GLIPR1L1: variants seen among roughly 807,000 people sequenced by gnomAD.
The protein encoded by GLIPR1L1 is GLIPR1-like protein 1.
GLIPR1L1 carries 26 observed loss-of-function variants against 29.9 expected under a neutral mutation model. The ratio of observed to expected loss-of-function variants is 0.87; its 90% CI spans 0.64 to 1.21. GLIPR1L1 has a LOEUF of 1.21. Among genes scored for constraint, GLIPR1L1 ranks in the 50% most tolerant of loss-of-function variants. GLIPR1L1 has a pLI of 0.00. For missense variants in GLIPR1L1, 305 were observed against 290.3 expected (o/e 1.05, Z -0.37); for synonymous variants, 77 against 97.5 (o/e 0.79, Z 1.24).
intron 4 of GLIPR1L1, 53 bp from the exon 5 acceptor site, chr12:75,369,907 A>G: frequency 1.5e-6 from 2 of 1,299,914 alleles, no homozygotes; most frequent in Non-Finnish European, 2.0e-6. Context: ...GCAAAGAAAT[A>G]TGTTTTCTTG....
intron 4 of GLIPR1L1, among the ~76,000 whole-genome samples, chr12:75,364,042 G>A (rs2043799721): frequency 6.6e-6 from 1 of 152,136 alleles, no homozygotes; most frequent in Non-Finnish European, 1.5e-5. Flanking sequence ...AAGGGGTTGT[G>A]GAGACCAAGG....
At chr12:75,337,929 T>G (rs1467474265) in intron 1 of GLIPR1L1, among the ~76,000 whole-genome samples, 5 of 152,124 alleles carry the variant, frequency 3.3e-5, no homozygotes, top group Admixed American at 6.5e-5. Context: ...TTAACCAATG[T>G]ATGAATGAGA....
intron 4 of GLIPR1L1, among the ~76,000 whole-genome samples, chr12:75,367,856 T>C (rs778799003): frequency 3.3e-5 from 5 of 152,158 alleles, no homozygotes; most frequent in Non-Finnish European, 4.4e-5. Context: ...GCTGTAACAA[T>C]AGACACACCC....
In GLIPR1L1 at chr12:75,334,711, C is replaced by T; in HGVS notation, c.-18C>T. The T allele has an allele frequency of 1.2e-6, 2 of 1,607,004 alleles. No homozygotes were observed. The highest frequency in any genetic ancestry group is 2.2e-5 in the East Asian group (1 of 44,824). On this transcript the variant is annotated 5_prime_UTR_variant, in exon 1 of 6. Transcript: ENST00000378695. Reference sequence around the variant, plus strand: ...GTCCGCGCAGTCAGGGCATCCTCCGCATCCTCCACATCCTTCCATGGCTCT... The same window carrying T: ...GTCCGCGCAGTCAGGGCATCCTCCGTATCCTCCACATCCTTCCATGGCTCT...
At chr12:75,352,285 T>C (rs1020116699) in intron 3 of GLIPR1L1, among the ~76,000 whole-genome samples, 1 of 152,058 alleles carries the variant, frequency 6.6e-6, no homozygotes, top group Non-Finnish European at 1.5e-5. Flanking sequence ...AAGACATACA[T>C]AGACTCAAAG....
At chr12:75,360,036 A>T (rs2043462509) in intron 3 of GLIPR1L1, 2 of 152,178 alleles carry the variant, frequency 1.3e-5, no homozygotes, top group Non-Finnish European at 2.9e-5. Context: ...AAACATCTTT[A>T]AAACCATCAG....
At chr12:75,354,387 T>A (rs2043014559) in intron 3 of GLIPR1L1, among the ~76,000 whole-genome samples, 1 of 151,668 alleles carries the variant, frequency 6.6e-6, no homozygotes, top group Admixed American at 6.6e-5. Context: ...TCACAATTGC[T>A]AGAAAGAGAA....
chr12:75,354,654 A>C (rs773250604), intron 3 of GLIPR1L1, among the ~76,000 whole-genome samples: 2 of 152,204 alleles, frequency 1.3e-5, no homozygotes, highest in African/African-American at 2.4e-5. Context: ...GGAACCAAAA[A>C]AGGGTTTGTG....
rs2044090669 is a variant in GLIPR1L1, at chr12:75,367,873, T to C, written c.611-2087T>C. On this transcript the variant is annotated intron_variant, in intron 4 of 5. Coordinates refer to ENST00000378695, the MANE Select transcript of GLIPR1L1 (RefSeq NM_001304964.2). ...TGTAACAATAGACACACCCTTCTAT[T>C]ATTCTTAAATTTAAAGACAATGTTT... 1.3e-5 allele frequency among the ~76,000 whole-genome samples: 2 copies of C among 152,190 alleles called. 1 individual carries two copies. The highest frequency in any genetic ancestry group is 4.1e-4 in the South Asian group (2 of 4,838).
Position 75,370,278 on chromosome 12 carries a change from C to A in GLIPR1L1, c.*102C>A. 2 of 642,302 alleles carry A rather than the reference C, an allele frequency of 3.1e-6. No individual in the cohort carries two copies. Among genetic ancestry groups the A allele is most frequent in the South Asian group, 3.9e-5 (2 of 51,036 alleles). The allele number at this position is 642,302 out of a possible 1,614,324, so 39.8% of individuals were successfully genotyped here. On this transcript the variant is annotated 3_prime_UTR_variant, in exon 6 of 6. Transcript: ENST00000378695. ...CTTTGCTTCTTTACTGAATCTTCTA[C>A]ACTCTTGCCTGATACCTAAATTTAA... is the stretch of plus-strand genomic sequence containing the variant.
chr12:75,356,311 A>T (rs988333090), intron 3 of GLIPR1L1, among the ~76,000 whole-genome samples: 11 of 152,196 alleles, frequency 7.2e-5, no homozygotes, highest in African/African-American at 2.4e-4. Flanking sequence ...ATGTTTATAG[A>T]TGACTGGAGA....
intron 1 of GLIPR1L1, among the ~76,000 whole-genome samples, chr12:75,343,051 A>G (rs2042222961): frequency 6.6e-6 from 1 of 151,912 alleles, no homozygotes; most frequent in Admixed American, 6.6e-5. Flanking sequence ...ATTTTTATGT[A>G]TCCAGTCATG....
chr12:75,338,535 T>A (rs2041884870), intron 1 of GLIPR1L1, among the ~76,000 whole-genome samples: 1 of 152,112 alleles, frequency 6.6e-6, no homozygotes, highest in Non-Finnish European at 1.5e-5. Context: ...TTCCTGTAGG[T>A]TTTTTTAATA....
intron 3 of GLIPR1L1, 21 bp downstream of exon 3, chr12:75,347,743 A>G (rs774874198): frequency 9.8e-5 from 145 of 1,477,028 alleles, no homozygotes; most frequent in Non-Finnish European, 1.3e-4. Context: ...TTCTCTTAAA[A>G]ATATTTTAAT....
chr12:75,337,175 C>A (rs1184579816), intron 1 of GLIPR1L1, among the ~76,000 whole-genome samples: 2 of 151,576 alleles, frequency 1.3e-5, no homozygotes, highest in Non-Finnish European at 1.5e-5. Context: ...AAATCAAGAC[C>A]TATTCTTTCA....
chr12:75,338,860 T>A (rs1291362634), intron 1 of GLIPR1L1, among the ~76,000 whole-genome samples: 1 of 152,216 alleles, frequency 6.6e-6, no homozygotes, highest in Non-Finnish European at 1.5e-5. Context: ...TGTTTGGTTT[T>A]CTGTTCCTGC....
intron 3 of GLIPR1L1, among the ~76,000 whole-genome samples, chr12:75,356,310 G>A (rs2043152553): frequency 6.6e-6 from 1 of 152,104 alleles, no homozygotes; most frequent in African/African-American, 2.4e-5. Context: ...TATGTTTATA[G>A]ATGACTGGAG....
Position 75,370,000 on chromosome 12 carries a change from T to C in GLIPR1L1, c.637+14T>C, listed in dbSNP as rs1172351123. The C allele has an allele frequency of 1.8e-6, 2 of 1,120,478 alleles. No homozygotes were observed. The highest frequency in any genetic ancestry group is 2.0e-4 in the Middle Eastern group (1 of 4,948). 69.4% of individuals were successfully genotyped at this position (1,120,478 alleles called of 1,614,324 possible). On this transcript the variant is annotated intron_variant, in intron 5 of 5. Transcript: ENST00000378695. Reference sequence around the variant, plus strand: ...TTATACCTAACCGTATGTATCAAAATATTTTAGTATTAATTAAATTATTTC... The same window carrying C: ...TTATACCTAACCGTATGTATCAAAACATTTTAGTATTAATTAAATTATTTC...
chr12:75,360,053 T>C (rs1343006674), intron 3 of GLIPR1L1: 1 of 152,134 alleles, frequency 6.6e-6, no homozygotes, highest in African/African-American at 2.4e-5. Flanking sequence ...TCAGATCTCA[T>C]GAGAACTCAC....
Sources: allele counts gnomAD v4.1 joint callset (sites outside exome capture counted in the v4.1 genomes callset), GRCh38; gene constraint gnomAD v4.1.1; transcripts MANE v1.5; gene names NCBI Gene and HGNC (gene_info 2026-07-23, HGNC 2026-07-21).